ZNF676: variants seen among roughly 807,000 people sequenced by gnomAD.
The protein encoded by ZNF676 is zinc finger protein 676.
A neutral mutation model predicts 6.0 loss-of-function variants in ZNF676; 4 were observed. The observed-to-expected ratio is 0.67, with a 90% CI of 0.33 to 1.53. ZNF676 has a LOEUF of 1.53. ZNF676 is among the 40% of genes most tolerant of loss of function. The pLI, the probability that ZNF676 is intolerant of heterozygous loss-of-function variation, is 0.06. For synonymous variants in ZNF676, 198 were observed against 223.1 expected (o/e 0.89, Z 1.00); for missense variants, 644 against 679.7 (o/e 0.95, Z 0.58).
chr19:22,186,118 G>T (rs75470602), intron 2 of ZNF676, among the ~76,000 whole-genome samples: 27 of 152,204 alleles, frequency 1.8e-4, no homozygotes, highest in Non-Finnish European at 3.5e-4. Flanking sequence ...AAAATGTTGA[G>T]GGCAGCCACA....
chr19:22,183,548 G>A (rs2023791022), intron 2 of ZNF676, among the ~76,000 whole-genome samples: 1 of 96,410 alleles, frequency 1.0e-5, no homozygotes, highest in Non-Finnish European at 2.0e-5. Flanking sequence ...ATGTTGGCCA[G>A]GCTGGTCTGG....
chr19:22,185,103 C>T (rs988587763), intron 2 of ZNF676, among the ~76,000 whole-genome samples: 2 of 152,096 alleles, frequency 1.3e-5, no homozygotes, highest in African/African-American at 4.8e-5. Flanking sequence ...CTGATAGAGA[C>T]CTCATACAAG....
the ZNF676 span, chr19:22,245,269 A>G: frequency 6.6e-6 from 1 of 152,150 alleles, no homozygotes; most frequent in Non-Finnish European, 1.5e-5. Flanking sequence ...GGGCCCAGAG[A>G]TGGATTACAA....
Position 22,179,494 on chromosome 19 carries a change from A to G in ZNF676, c.*456T>C. 1 of 406,548 alleles carries G rather than the reference A, an allele frequency of 2.5e-6. No homozygotes were observed. Among genetic ancestry groups the G allele is most frequent in the Non-Finnish European group, 4.8e-6 (1 of 207,786 alleles). The allele number at this position is 406,548 out of a possible 1,614,324, so 25.2% of individuals were successfully genotyped here. Reference sequence around the variant, plus strand: ...TTACATGAATGTTTAGTAAGGATTGAGGAACAGCTAAAAGGCTTGCCACAT... The same window carrying G: ...TTACATGAATGTTTAGTAAGGATTGGGGAACAGCTAAAAGGCTTGCCACAT... On this transcript the variant is annotated 3_prime_UTR_variant, in exon 3 of 3. Transcript: ENST00000397121.
chr19:22,216,945 A>G (rs1362683786), upstream of ZNF676, among the ~76,000 whole-genome samples: 3 of 151,818 alleles, frequency 2.0e-5, no homozygotes, highest in South Asian at 4.1e-4. Flanking sequence ...AAAAAAAAAA[A>G]AAAAGCCAAA....
At chr19:22,222,851 T>C in the ZNF676 span, among the ~76,000 whole-genome samples, 1 of 152,188 alleles carries the variant, frequency 6.6e-6, no homozygotes, top group African/African-American at 2.4e-5. Context: ...AGGACTTTCA[T>C]CTGTAGAGCA....
upstream of ZNF676, among the ~76,000 whole-genome samples, chr19:22,198,257 A>G (rs2023990861): frequency 6.6e-6 from 1 of 152,254 alleles, no homozygotes. Context: ...CATTTTTAAT[A>G]TTGCAGATTA....
chr19:22,233,469 C>T, the ZNF676 span, among the ~76,000 whole-genome samples: 1 of 152,224 alleles, frequency 6.6e-6, no homozygotes, highest in Non-Finnish European at 1.5e-5. Context: ...TTTGTCCTGG[C>T]ATAGTCTGAA....
the ZNF676 span, among the ~76,000 whole-genome samples, chr19:22,232,942 A>G: frequency 6.6e-6 from 1 of 152,162 alleles, no homozygotes; most frequent in African/African-American, 2.4e-5. Context: ...GCAACTCTAA[A>G]AGTATATGGA....
rs2023972273 is a variant in ZNF676 at position 22,196,819 on chromosome 19, C to T, written c.-186G>A. On this transcript the variant is annotated 5_prime_UTR_variant, in exon 1 of 3. Coordinates refer to ENST00000397121, the MANE Select transcript of ZNF676 (RefSeq NM_001001411.3). ...GGTAAAATGGAGAGAGTAGAGAGAG[C>T]TGGTTCTGACTTATATGAATGACTG... is the stretch of plus-strand genomic sequence containing the variant. 7.0e-6 allele frequency: 8 copies of T among 1,138,192 alleles called. No individual in the cohort carries two copies. Among genetic ancestry groups the T allele is most frequent in the Non-Finnish European group, 1.0e-5 (8 of 782,772 alleles). 70.5% of individuals were successfully genotyped at this position (1,138,192 alleles called of 1,614,324 possible).
At chr19:22,188,426 A>G (rs2023865834) in intron 2 of ZNF676, among the ~76,000 whole-genome samples, 1 of 152,282 alleles carries the variant, frequency 6.6e-6, no homozygotes, top group Non-Finnish European at 1.5e-5. Flanking sequence ...GCAAAACTGT[A>G]AGCATTCCCT....
the ZNF676 span, among the ~76,000 whole-genome samples, chr19:22,254,769 A>G: frequency 6.6e-6 from 1 of 152,202 alleles, no homozygotes; most frequent in Non-Finnish European, 1.5e-5. Context: ...ACCAAGAAGT[A>G]GAGGAAAGTC....
chr19:22,255,622 A>G, the ZNF676 span, among the ~76,000 whole-genome samples: 19 of 152,140 alleles, frequency 1.2e-4, no homozygotes, highest in South Asian at 2.1e-4. Flanking sequence ...GAGGTGGGTG[A>G]ATCACAAAGT....
At chr19:22,232,033 C>A in the ZNF676 span, among the ~76,000 whole-genome samples, 1 of 151,408 alleles carries the variant, frequency 6.6e-6, no homozygotes, top group East Asian at 1.9e-4. Flanking sequence ...ATTTGTATAT[C>A]TGTGTGTGTG....
the ZNF676 span, among the ~76,000 whole-genome samples, chr19:22,223,407 G>A: frequency 6.6e-6 from 1 of 152,002 alleles, no homozygotes. Context: ...GTTTTATGTA[G>A]CTATCATTAC....
upstream of ZNF676, among the ~76,000 whole-genome samples, chr19:22,217,453 C>A (rs2024203963): frequency 6.6e-6 from 1 of 152,180 alleles, no homozygotes; most frequent in African/African-American, 2.4e-5. Context: ...TCGCCCACCT[C>A]AGCCTCCCAA....
At chr19:22,193,673 A>G (rs1599714004) in intron 1 of ZNF676, among the ~76,000 whole-genome samples, 1 of 152,266 alleles carries the variant, frequency 6.6e-6, no homozygotes, top group East Asian at 1.9e-4. Context: ...TACCCCCTCC[A>G]ATAACAGAAG....
rs1459937364 is a variant in ZNF676 at position 22,181,175 on chromosome 19, G to T, written c.542C>A (p.Ser181Tyr). 1.2e-6 allele frequency: 2 copies of T among 1,613,900 alleles called. No homozygotes were observed. The highest frequency in any genetic ancestry group is 3.3e-5 in the Admixed American group (2 of 59,996). Residue 181 changes from serine to tyrosine, a missense_variant, in exon 3 of 3, where the codon TCC (serine) becomes TAC (tyrosine). Ser to Tyr is a moderately radical substitution (Grantham distance 144). This residue lies in a region of ZNF676 where 280 missense variants were observed against 269.3 expected (regional missense o/e 1.04). Transcript: ENST00000397121. ...ACTCTTATAATAAGTAAGGGTTGAG[G>T]ACCAGTTAAAAGCTTTGCCATTTTC... The part of the protein sequence containing the change: ...CEENGKAFNW[S>Y]STLTYYKSIH...
intron 1 of ZNF676, among the ~76,000 whole-genome samples, chr19:22,193,314 A>C (rs1161351701): frequency 6.6e-6 from 1 of 152,166 alleles, no homozygotes; most frequent in East Asian, 1.9e-4. Context: ...AAGTTAATTC[A>C]CAAACATTAA....
Sources: gnomAD v4.1 joint callset for allele counts (sites outside exome capture counted in the v4.1 genomes callset) on GRCh38, gnomAD v4.1.1 for gene constraint, gnomAD v4.1.1 regional missense constraint, MANE v1.5 for transcripts, NCBI Gene and HGNC (gene_info 2026-07-23, HGNC 2026-07-21) for gene names.